Variants in LOC128462377 observed in about 807,000 individuals in gnomAD.
the LOC128462377 span, among the ~76,000 whole-genome samples, chr16:89,376,843 A>G: frequency 6.6e-6 from 1 of 152,228 alleles, no homozygotes; most frequent in African/African-American, 2.4e-5. Flanking sequence ...CTGGGATAGA[A>G]GGCAAGAAGG....
chr16:89,375,798 C>T, the LOC128462377 span, among the ~76,000 whole-genome samples: 1 of 145,200 alleles, frequency 6.9e-6, no homozygotes, highest in African/African-American at 2.5e-5. Flanking sequence ...AAGCCTCTTG[C>T]AGTTCTCAAG....
At chr16:89,327,114 A>T in the LOC128462377 span, among the ~76,000 whole-genome samples, 1 of 79,832 alleles carries the variant, frequency 1.3e-5, no homozygotes, top group Non-Finnish European at 2.7e-5. Flanking sequence ...CAGAGGTTGG[A>T]AATGCAGAGG....
chr16:89,351,170 G>C, the LOC128462377 span, among the ~76,000 whole-genome samples: 1 of 152,248 alleles, frequency 6.6e-6, no homozygotes, highest in African/African-American at 2.4e-5. Flanking sequence ...CAAGAGCACT[G>C]TTGTGAAGAA....
the LOC128462377 span, among the ~76,000 whole-genome samples, chr16:89,332,245 A>G: frequency 6.6e-6 from 1 of 152,206 alleles, no homozygotes; most frequent in Non-Finnish European, 1.5e-5. Context: ...TTACAAGCAG[A>G]CTATAAACAC....
chr16:89,352,311 C>G, the LOC128462377 span, among the ~76,000 whole-genome samples: 1 of 151,946 alleles, frequency 6.6e-6, no homozygotes, highest in African/African-American at 2.4e-5. Flanking sequence ...CCACGCGGTG[C>G]AGAGCCCTGG....
the LOC128462377 span, among the ~76,000 whole-genome samples, chr16:89,327,821 C>T: frequency 1.3e-5 from 2 of 152,122 alleles, no homozygotes; most frequent in African/African-American, 4.8e-5. Context: ...ATCTTTAGGA[C>T]CTAGGGCCAA....
chr16:89,353,760 G>A, the LOC128462377 span, among the ~76,000 whole-genome samples: 5 of 152,150 alleles, frequency 3.3e-5, no homozygotes, highest in Non-Finnish European at 5.9e-5. Context: ...GATTACAGGC[G>A]TGAGCCACTA....
the LOC128462377 span, among the ~76,000 whole-genome samples, chr16:89,381,354 A>G: frequency 0.073 from 9,093 of 124,390 alleles, 684 homozygotes; most frequent in African/African-American, 0.14. Context: ...AAAAAAAAAA[A>G]GGGGTGAGAA....
chr16:89,345,461 C>T, the LOC128462377 span, among the ~76,000 whole-genome samples: 5 of 152,188 alleles, frequency 3.3e-5, no homozygotes, highest in Admixed American at 1.3e-4. Flanking sequence ...CCTGCAGCCA[C>T]GGAAGGACGA....
chr16:89,357,479 C>T, the LOC128462377 span, among the ~76,000 whole-genome samples: 2 of 152,266 alleles, frequency 1.3e-5, no homozygotes, highest in South Asian at 4.1e-4. Context: ...CAACAAATTA[C>T]AAAAGGACTA....
chr16:89,377,862 C>A, the LOC128462377 span, among the ~76,000 whole-genome samples: 1 of 151,996 alleles, frequency 6.6e-6, no homozygotes, highest in Non-Finnish European at 1.5e-5. Flanking sequence ...ACCTCTTCCA[C>A]CCCCGCCCCA....
At chr16:89,357,948 A>C in the LOC128462377 span, among the ~76,000 whole-genome samples, 1 of 152,246 alleles carries the variant, frequency 6.6e-6, no homozygotes, top group Non-Finnish European at 1.5e-5. Context: ...AAATCCTTTC[A>C]AAACAATCAG....
At chr16:89,393,933 G>A in the LOC128462377 span, among the ~76,000 whole-genome samples, 1 of 152,206 alleles carries the variant, frequency 6.6e-6, no homozygotes. Context: ...TTGTAATAGA[G>A]ACTAGTTTAC....
At chr16:89,390,400 C>T in the LOC128462377 span, among the ~76,000 whole-genome samples, 1 of 152,218 alleles carries the variant, frequency 6.6e-6, no homozygotes, top group South Asian at 2.1e-4. Context: ...GGATCAAACC[C>T]CGAGTGTGGC....
the LOC128462377 span, among the ~76,000 whole-genome samples, chr16:89,331,497 G>A: frequency 6.6e-6 from 1 of 152,254 alleles, no homozygotes; most frequent in African/African-American, 2.4e-5. Context: ...GACCCTGTTT[G>A]GAAACCAGTT....
chr16:89,400,023 G>A, the LOC128462377 span, among the ~76,000 whole-genome samples: 5 of 146,338 alleles, frequency 3.4e-5, no homozygotes, highest in South Asian at 4.5e-4. Flanking sequence ...GCTTCCCTGC[G>A]CTGGAGGCCG....
At chr16:89,320,531 C>G in the LOC128462377 span, among the ~76,000 whole-genome samples, 4 of 152,234 alleles carry the variant, frequency 2.6e-5, no homozygotes, top group Admixed American at 6.5e-5. Flanking sequence ...TGACCGCCCC[C>G]AGGCCACGCA....
chr16:89,375,027 A>G, the LOC128462377 span, among the ~76,000 whole-genome samples: 5 of 152,126 alleles, frequency 3.3e-5, no homozygotes, highest in African/African-American at 1.2e-4. Flanking sequence ...TAAAAAATTA[A>G]ACGCTTATAA....
At chr16:89,341,263 T>C in the LOC128462377 span, among the ~76,000 whole-genome samples, 1 of 152,246 alleles carries the variant, frequency 6.6e-6, no homozygotes, top group Non-Finnish European at 1.5e-5. Flanking sequence ...GAAACAATGC[T>C]GTGGGTCCAT....
Sources: gnomAD v4.1 joint callset for allele counts (sites outside exome capture counted in the v4.1 genomes callset) on GRCh38, gnomAD v4.1.1 for gene constraint, MANE v1.5 for transcripts.